The following RNMT variants were observed in gnomAD, a reference collection of about 807,000 sequenced individuals.
RNMT encodes the protein mRNA cap guanine-N(7) methyltransferase.
A neutral mutation model predicts 56.0 loss-of-function variants in RNMT; 27 were observed. The ratio of observed to expected loss-of-function variants is 0.48; its 90% CI spans 0.36 to 0.67. RNMT has a LOEUF of 0.67. RNMT is among the 30% of genes least tolerant of loss of function. The pLI is 0.00. For synonymous variants in RNMT, 184 were observed against 176.2 expected (o/e 1.04, Z -0.35); for missense variants, 519 against 552.1 (o/e 0.94, Z 0.60).
rs904621922 is a variant in RNMT, at chr18:13,747,274, T to C, written c.1257+937T>C. 4.4e-4 allele frequency among the ~76,000 whole-genome samples: 67 copies of C among 151,192 alleles called. 1 individual carries two copies. On this transcript the variant is annotated intron_variant, in intron 9 of 11. Coordinates refer to ENST00000383314, the MANE Select transcript of RNMT (RefSeq NM_003799.3). ...TCTCGCTCTGTTGCCCAGGCTGGAG[T>C]GCAGTGATGTGATCACAGCTCACTG...
At chr18:13,753,816 T>TACACACAC (rs3138630) in intron 10 of RNMT, among the ~76,000 whole-genome samples, 14,019 of 144,332 alleles carry the variant, frequency 0.097, 793 homozygotes, top group African/African-American at 0.14. Context: ...ATTTTCCAGT[T>TACACACAC]ACACACACAC....
chr18:13,744,971 G>A lies in RNMT; in HGVS notation c.1140-1249G>A, dbSNP rs779488788. ...TTAAGGAAGGTGCCTGTAAAGAATC[G>A]ATGTTTGAGTCAGGATCTAAAGGAT... On this transcript the variant is annotated intron_variant, in intron 8 of 11. Coordinates refer to ENST00000383314, the MANE Select transcript of RNMT (RefSeq NM_003799.3). Among the ~76,000 whole-genome samples the A allele has an allele frequency of 3.0e-4, 45 of 152,190 alleles. 1 individual carries two copies. Among genetic ancestry groups the A allele is most frequent in the South Asian group, 1.7e-3 (8 of 4,828 alleles).
Position 13,763,033 on chromosome 18 carries a change from T to C in RNMT, c.*3054T>C. The stretch of plus-strand genomic sequence containing the variant: ...CAGTCACCACAGAGGGTCTCTAGGG[T>C]CTGCAAAATAGAGGCCAAATCCAGG... On this transcript the variant is annotated 3_prime_UTR_variant, in exon 12 of 12. Transcript: ENST00000383314. 1 of 455,748 alleles carries C rather than the reference T, an allele frequency of 2.2e-6. No individual in the cohort carries two copies. Among genetic ancestry groups the C allele is most frequent in the Non-Finnish European group, 4.4e-6 (1 of 226,662 alleles). 28.2% of individuals were successfully genotyped at this position (455,748 alleles called of 1,614,324 possible).
chr18:13,746,879 T>C (rs1159009315), intron 9 of RNMT, among the ~76,000 whole-genome samples: 2 of 152,200 alleles, frequency 1.3e-5, no homozygotes, highest in Non-Finnish European at 2.9e-5. Context: ...TTTTATTGCA[T>C]GGTAATTCTT....
chr18:13,739,748 T>G (rs2044221104), intron 5 of RNMT, among the ~76,000 whole-genome samples: 1 of 152,016 alleles, frequency 6.6e-6, no homozygotes, highest in Non-Finnish European at 1.5e-5. Context: ...ATTGCACCAC[T>G]GCACTCCAGC....
rs2044251605 is a variant in RNMT, at chr18:13,741,561, A to C, written c.844A>C (p.Ser282Arg). ...CCCACAAATGTGTTTTGACATCTGC[A>C]GTTGTCAGTTTGTCTGTCATTACTC... Reference protein sequence around the residue: ...RDPQMCFDICSCQFVCHYSFE... With the variant: ...RDPQMCFDICRCQFVCHYSFE... The change falls in exon 7 of 12, where the codon AGT becomes CGT. Residue 282 changes from serine (S) to arginine (R), a missense_variant. By Grantham distance (110) the Ser-to-Arg change is moderately radical. Coordinates refer to ENST00000383314, the MANE Select transcript of RNMT (RefSeq NM_003799.3). 1 of 1,613,726 alleles carries C rather than the reference A, an allele frequency of 6.2e-7. No individual in the cohort carries two copies. The highest frequency in any genetic ancestry group is 1.1e-5 in the South Asian group (1 of 90,976).
chr18:13,760,212 A>G lies in RNMT; in HGVS notation c.*233A>G. ...GTCTTTAAAAATCTATTTTTAGGTA[A>G]TGTTCTAAGAATTCCATTTGCCTCT... On this transcript the variant is annotated 3_prime_UTR_variant, in exon 12 of 12. Transcript: ENST00000383314. The G allele has an allele frequency of 1.6e-6, 2 of 1,230,784 alleles. No individual in the cohort carries two copies. Among genetic ancestry groups the G allele is most frequent in the Non-Finnish European group, 2.0e-6 (2 of 984,344 alleles). 76.2% of individuals were successfully genotyped at this position (1,230,784 alleles called of 1,614,324 possible). A position where few individuals can be genotyped will look rare whatever the true frequency, so the allele number is the denominator to read the frequency against.
At chr18:13,756,073 C>A (rs976708796) in intron 11 of RNMT, among the ~76,000 whole-genome samples, 4 of 152,162 alleles carry the variant, frequency 2.6e-5, no homozygotes, top group East Asian at 3.9e-4. Flanking sequence ...CATGCCATCA[C>A]GAGTCTAAAA....
intron 11 of RNMT, among the ~76,000 whole-genome samples, chr18:13,756,277 T>C (rs1180086391): frequency 6.6e-6 from 1 of 152,206 alleles, no homozygotes; most frequent in Non-Finnish European, 1.5e-5. Context: ...TTTTATACAA[T>C]AAGTGGGACT....
chr18:13,750,769 A>G lies in RNMT; in HGVS notation c.1258-1557A>G, dbSNP rs2044429408. On this transcript the variant is annotated intron_variant, in intron 9 of 11. Coordinates refer to ENST00000383314, the MANE Select transcript of RNMT (RefSeq NM_003799.3). The stretch of plus-strand genomic sequence containing the variant: ...TGAATGGAGATCCTGCCACTGCAAT[A>G]CAGCCTGGGAGACAGAGCAAGACTC... 2.0e-5 allele frequency among the ~76,000 whole-genome samples: 3 copies of G among 151,958 alleles called. No homozygotes were observed. The South Asian group carries it at 6.3e-4, about 32-fold the overall frequency.
At chr18:13,736,803 A>T (rs951017502) in intron 4 of RNMT, among the ~76,000 whole-genome samples, 1 of 152,176 alleles carries the variant, frequency 6.6e-6, no homozygotes, top group Non-Finnish European at 1.5e-5. Flanking sequence ...AACACCAGAC[A>T]CGTACTCTTT....
intron 11 of RNMT, among the ~76,000 whole-genome samples, chr18:13,754,430 C>G (rs554995322): frequency 6.6e-6 from 1 of 152,260 alleles, no homozygotes; most frequent in East Asian, 1.9e-4. Flanking sequence ...TTCCTTGAGC[C>G]TGAGAAGTCA....
intron 4 of RNMT, among the ~76,000 whole-genome samples, chr18:13,735,467 G>A (rs762540709): frequency 2.7e-4 from 40 of 147,064 alleles, no homozygotes; most frequent in Non-Finnish European, 4.8e-4. Flanking sequence ...ATTTGACTCT[G>A]CCATGTGTCA....
At chr18:13,741,385 T>A in intron 6 of RNMT, 125 bp from the exon 7 acceptor site, 1 of 605,880 alleles carries the variant, frequency 1.7e-6, no homozygotes, top group Non-Finnish European at 2.9e-6. Context: ...GTGTGTCCTT[T>A]ATTGTACAAG....
intron 8 of RNMT, among the ~76,000 whole-genome samples, chr18:13,743,559 T>G (rs2044294661): frequency 6.6e-6 from 1 of 152,064 alleles, no homozygotes; most frequent in Non-Finnish European, 1.5e-5. Context: ...TGGGGGTAAC[T>G]GGGCCTTACC....
chr18:13,740,068 C>G (rs2044227222), intron 5 of RNMT, 99 bp from the exon 6 acceptor site: 1 of 751,158 alleles, frequency 1.3e-6, no homozygotes, highest in Non-Finnish European at 2.3e-6. Flanking sequence ...TTCACTGGTA[C>G]TAAGGCTGAC....
At position 13,735,371 on chromosome 18, in the gene RNMT, G is replaced by A. The variant is rs1469766510; in HGVS notation, c.553+772G>A. Among the ~76,000 whole-genome samples the A allele has an allele frequency of 2.6e-5, 4 of 152,100 alleles. No individual in the cohort carries two copies. The South Asian group carries it at 6.2e-4, about 24-fold the overall frequency. Reference sequence around the variant, plus strand: ...CCTAATCTGATAAGTATTAGCAGTAGGAACTAACTAGGCTTACTTTGAACA... The same window carrying A: ...CCTAATCTGATAAGTATTAGCAGTAAGAACTAACTAGGCTTACTTTGAACA... On this transcript the variant is annotated intron_variant, in intron 4 of 11. Transcript: ENST00000383314.
At position 13,761,798 on chromosome 18, in the gene RNMT, C is replaced by T. The variant is rs1462051793; in HGVS notation, c.*1819C>T. On this transcript the variant is annotated 3_prime_UTR_variant, in exon 12 of 12. Coordinates refer to ENST00000383314, the MANE Select transcript of RNMT (RefSeq NM_003799.3). ...TTCAGGCACCACCTTCCTCCTTGAG[C>T]TTTGCCTGTCTCTTGCCTTATCAGT... 1.8e-5 allele frequency: 23 copies of T among 1,293,624 alleles called. 1 individual carries two copies. In the South Asian group the frequency reaches 3.6e-4, roughly 20 times the overall value. The allele number at this position is 1,293,624 out of a possible 1,614,324, so 80.1% of individuals were successfully genotyped here.
Position 13,760,348 on chromosome 18 carries a change from TAGAATTGGTC to T in RNMT, c.*373_*382del. 9.9e-7 allele frequency: 1 copy of T among 1,008,622 alleles called. No homozygotes were observed. The highest frequency in any genetic ancestry group is 1.2e-6 in the Non-Finnish European group (1 of 844,470). The allele number at this position is 1,008,622 out of a possible 1,614,324, so 62.5% of individuals were successfully genotyped here. A position where few individuals can be genotyped will look rare whatever the true frequency, so the allele number is the denominator to read the frequency against. ...TACAGTATTCAATTTATTGCAGTTA[TAGAATTGGTC>T]AGAGAGCATTTTCATAGTGTGCTCA... On this transcript the variant is annotated 3_prime_UTR_variant, in exon 12 of 12. Coordinates refer to ENST00000383314, the MANE Select transcript of RNMT (RefSeq NM_003799.3).
Sources: gnomAD v4.1 joint callset for allele counts (sites outside exome capture counted in the v4.1 genomes callset) on GRCh38, gnomAD v4.1.1 for gene constraint, MANE v1.5 for transcripts, NCBI Gene and HGNC (gene_info 2026-07-23, HGNC 2026-07-21) for gene names.